The following CARD6 variants were observed in gnomAD, a reference collection of about 807,000 sequenced individuals.
CARD6 encodes caspase recruitment domain-containing protein 6.
A neutral mutation model predicts 23.6 loss-of-function variants in CARD6; 27 were observed. That is an observed-to-expected ratio of 1.14 (90% CI 0.84 to 1.58). CARD6 has a LOEUF of 1.58. Among genes scored for constraint, CARD6 ranks in the 40% most tolerant of loss-of-function variants. The pLI is 0.00. For synonymous variants in CARD6, 397 were observed against 431.8 expected, an observed-to-expected ratio of 0.92 and a Z score of 1.00; for missense variants, 1,214 against 1,209.9, an observed-to-expected ratio of 1.00 and a Z score of -0.05.
At position 40,853,941 on chromosome 5, in the gene CARD6, A is replaced by C. The variant is rs1314537660; in HGVS notation, c.2609A>C (p.Gln870Pro). 4 of 1,614,064 alleles carry C rather than the reference A, an allele frequency of 2.5e-6. No homozygotes were observed. The highest frequency in any genetic ancestry group is 1.6e-4 in the Middle Eastern group (1 of 6,084). Residue 870 changes from glutamine (Q) to proline (P), a missense_variant, in exon 3 of 3, where the codon CAA becomes CCA. Coordinates refer to ENST00000254691, the MANE Select transcript of CARD6 (RefSeq NM_032587.4). The stretch of plus-strand genomic sequence containing the variant: ...GCAGTAGGGAAGCCATGGCCTCAGC[A>C]AGCTTGCACCAGGGTAACAGAGTTA... The part of the protein sequence containing the change: ...ARAVGKPWPQ[Q>P]ACTRVTELTE...
intron 1 of CARD6, among the ~76,000 whole-genome samples, chr5:40,842,026 A>G (rs1411373742): frequency 6.6e-6 from 1 of 152,228 alleles, no homozygotes; most frequent in Non-Finnish European, 1.5e-5. Context: ...GAATTCGTGG[A>G]TATTTACAGT....
chr5:40,842,071 A>C (rs1479449580), intron 1 of CARD6, among the ~76,000 whole-genome samples: 1 of 152,244 alleles, frequency 6.6e-6, no homozygotes, highest in Non-Finnish European at 1.5e-5. Flanking sequence ...CACTTAGTAT[A>C]GCCGTTTTGA....
intron 2 of CARD6, among the ~76,000 whole-genome samples, chr5:40,851,683 G>A (rs1361543576): frequency 6.6e-6 from 1 of 151,896 alleles, no homozygotes; most frequent in Non-Finnish European, 1.5e-5. Context: ...GGGCATGGTG[G>A]CATACACCTG....
In CARD6 at chr5:40,852,958, G is replaced by C. The variant is rs1357570258; in HGVS notation, c.1626G>C (p.Gln542His). The change falls in exon 3 of 3, where the codon CAG (glutamine) becomes CAC (histidine). Residue 542 changes from glutamine (Q) to histidine (H), a missense_variant. Gln to His is a conservative substitution (Grantham distance 24, BLOSUM62 0). Coordinates refer to ENST00000254691, the MANE Select transcript of CARD6 (RefSeq NM_032587.4). Reference sequence around the variant, plus strand: ...GAAATCTAGAAAGCTTTTGGACTCAGTTTGGTTTTTTGATGGAAGTTTCTT... The same window carrying C: ...GAAATCTAGAAAGCTTTTGGACTCACTTTGGTTTTTTGATGGAAGTTTCTT... ...LRGNLESFWT[Q>H]FGFLMEVSSA... 6.2e-7 allele frequency: 1 copy of C among 1,614,188 alleles called. No individual in the cohort carries two copies. The highest frequency in any genetic ancestry group is 2.2e-5 in the East Asian group (1 of 44,886).
At chr5:40,846,302 C>G (rs899401907) in intron 2 of CARD6, among the ~76,000 whole-genome samples, 1 of 151,934 alleles carries the variant, frequency 6.6e-6, no homozygotes, top group Non-Finnish European at 1.5e-5. Context: ...CATGAGCCAC[C>G]GCGCCTGGCC....
rs1254745555 is a variant in CARD6 at position 40,849,185 on chromosome 5, C to T, written c.842-2989C>T. Among the ~76,000 whole-genome samples the T allele has an allele frequency of 5.9e-5, 9 of 151,930 alleles. 1 individual carries two copies. In the East Asian group the frequency reaches 1.4e-3, roughly 23 times the overall value. ...CTAATTTTTGTATTTTTAGTAGAGA[C>T]GGGGTGTCATTATGTTGGCCAGGCT... is the stretch of plus-strand genomic sequence containing the variant. On this transcript the variant is annotated intron_variant, in intron 2 of 2. Coordinates refer to ENST00000254691, the MANE Select transcript of CARD6 (RefSeq NM_032587.4).
chr5:40,852,602 A>G lies in CARD6; in HGVS notation c.1270A>G (p.Met424Val). The change falls in exon 3 of 3, where the codon ATG becomes GTG. Residue 424 changes from methionine (M) to valine (V), a missense_variant. Met to Val is a conservative substitution (Grantham distance 21, BLOSUM62 1). Coordinates refer to ENST00000254691, the MANE Select transcript of CARD6 (RefSeq NM_032587.4). ...CAAAAGCATCTTAATGCTGGGGGCC[A>G]TGAAAGACATTGTGAAGAAGCAGTC... ...NNKSILMLGA[M>V]KDIVKKQSTQ... 1.2e-6 allele frequency: 2 copies of G among 1,614,210 alleles called. No homozygotes were observed. The highest frequency in any genetic ancestry group is 1.7e-6 in the Non-Finnish European group (2 of 1,180,032).
chr5:40,847,582 T>C (rs1365230206), intron 2 of CARD6, among the ~76,000 whole-genome samples: 1 of 152,210 alleles, frequency 6.6e-6, no homozygotes, highest in Non-Finnish European at 1.5e-5. Context: ...TTTGCCTTCA[T>C]TCCAGAAGGT....
chr5:40,842,231 G>A (rs1405599943), intron 1 of CARD6, among the ~76,000 whole-genome samples: 2 of 152,132 alleles, frequency 1.3e-5, no homozygotes, highest in African/African-American at 4.8e-5. Flanking sequence ...CCATGAAAAA[G>A]CAATTCTTCC....
Position 40,853,186 on chromosome 5 carries a change from A to G in CARD6, c.1854A>G (p.Arg618=). ...GGGAGAGGGGAGATGCTGGGGATAG[A>G]AGGAAGAACATGGAGGGCCTTCAAG... ...LFWERGDAGD[R]RKNMEGLQAA... Residue 618 remains arginine (R), a synonymous_variant, in exon 3 of 3, where the codon AGA becomes AGG. Coordinates refer to ENST00000254691, the MANE Select transcript of CARD6 (RefSeq NM_032587.4). 1 of 1,614,156 alleles carries G rather than the reference A, an allele frequency of 6.2e-7. No homozygotes were observed. The highest frequency in any genetic ancestry group is 8.5e-7 in the Non-Finnish European group (1 of 1,180,038).
chr5:40,853,418 AGCCAGGCTCTAAT>A lies in CARD6; in HGVS notation c.2091_2103del (p.Ala698PhefsTer27). On this transcript the variant is annotated frameshift_variant, in exon 3 of 3. Transcript: ENST00000254691. LOFTEE classifies it low-confidence loss of function (END_TRUNC). Reference sequence around the variant, plus strand: ...CAGTCAGCTAAAAAGCTCATCTAAAAGCCAGGCTCTAATGCCAATTCAAGAGCCTGGGACTCAA... The same window carrying A: ...CAGTCAGCTAAAAAGCTCATCTAAAAGCCAATTCAAGAGCCTGGGACTCAA... 6.2e-7 allele frequency: 1 copy of A among 1,614,164 alleles called. No homozygotes were observed. Among genetic ancestry groups the A allele is most frequent in the Non-Finnish European group, 8.5e-7 (1 of 1,180,010 alleles).
chr5:40,842,695 G>A (rs771001742), intron 1 of CARD6, among the ~76,000 whole-genome samples: 187 of 152,172 alleles, frequency 1.2e-3, no homozygotes, highest in Admixed American at 2.3e-3. Flanking sequence ...AAGTTGACAT[G>A]TTGACATGCA....
At chr5:40,842,836 G>C (rs1182419018) in intron 1 of CARD6, among the ~76,000 whole-genome samples, 1 of 152,152 alleles carries the variant, frequency 6.6e-6, no homozygotes, top group Non-Finnish European at 1.5e-5. Context: ...TCAGGAGTTT[G>C]AGACCAGCCT....
intron 2 of CARD6, among the ~76,000 whole-genome samples, chr5:40,844,045 T>C (rs1339188914): frequency 6.6e-6 from 1 of 152,208 alleles, no homozygotes; most frequent in Non-Finnish European, 1.5e-5. Flanking sequence ...CTAACCTATT[T>C]CTCAGGTTAA....
At chr5:40,850,413 C>CAAA (rs70988813) in intron 2 of CARD6, among the ~76,000 whole-genome samples, 9,726 of 36,448 alleles carry the variant, frequency 0.27, 2,693 homozygotes, top group African/African-American at 0.41. Context: ...CACTCCATCT[C>CAAA]AAAAAAAAAA....
At position 40,841,554 on chromosome 5, in the gene CARD6, C is replaced by T. The variant is rs911359307; in HGVS notation, c.172C>T (p.Arg58Trp). Residue 58 changes from arginine (R) to tryptophan (W), a missense_variant, in exon 1 of 3, where the codon CGG (arginine) becomes TGG (tryptophan). Physicochemically the swap from Arg to Trp is moderately radical, Grantham distance 101 (BLOSUM62 -3). Coordinates refer to ENST00000254691, the MANE Select transcript of CARD6 (RefSeq NM_032587.4). ...TGTTACAGATCTCCTGAAGAAAAGTCGGAAGCTGTTAATTTTGGTACAGAA... is the reference window on the plus strand; with the variant it reads ...TGTTACAGATCTCCTGAAGAAAAGTTGGAAGCTGTTAATTTTGGTACAGAA... ...ENVTDLLKKS[R>W]KLLILVQKKG... 2 of 1,613,966 alleles carry T rather than the reference C, an allele frequency of 1.2e-6. No individual in the cohort carries two copies. The highest frequency in any genetic ancestry group is 1.7e-4 in the Middle Eastern group (1 of 6,060).
intron 2 of CARD6, among the ~76,000 whole-genome samples, chr5:40,844,868 C>CTTT (rs761641223): frequency 3.0e-4 from 41 of 134,500 alleles, no homozygotes; most frequent in Middle Eastern, 3.9e-3. Context: ...TTGCTTCCTT[C>CTTT]TTTTTTTTTT....
intron 1 of CARD6, 77 bp downstream of exon 1, chr5:40,841,742 A>G (rs1316775132): frequency 8.1e-7 from 1 of 1,234,444 alleles, no homozygotes; most frequent in Non-Finnish European, 1.1e-6. Flanking sequence ...AATGAAAGAA[A>G]ATTGTTGCCT....
chr5:40,841,436 G>A lies in CARD6; in HGVS notation c.54G>A (p.Leu18=). Residue 18 remains leucine, a synonymous_variant, in exon 1 of 3, where the codon TTG becomes TTA. Coordinates refer to ENST00000254691, the MANE Select transcript of CARD6 (RefSeq NM_032587.4). ...TCATAGAAAGAGAAAGAAAAAAGTT[G>A]CTTGAAATCCTTCAACATGATCCTG... ...SEIIERERKK[L]LEILQHDPDS... The A allele has an allele frequency of 2.5e-6, 4 of 1,612,904 alleles. No individual in the cohort carries two copies. The highest frequency in any genetic ancestry group is 2.5e-6 in the Non-Finnish European group (3 of 1,179,636).
Sources: allele counts gnomAD v4.1 joint callset (sites outside exome capture counted in the v4.1 genomes callset), GRCh38; gene constraint gnomAD v4.1.1; transcripts MANE v1.5; gene names NCBI Gene and HGNC (gene_info 2026-07-23, HGNC 2026-07-21).